The following WWP2 variants were observed in gnomAD, a reference collection of about 807,000 sequenced individuals.
The protein encoded by WWP2 is WW domain containing E3 ubiquitin protein ligase 2, also known as NEDD4-like E3 ubiquitin-protein ligase WWP2.
A neutral mutation model predicts 121.0 loss-of-function variants in WWP2; 57 were observed. The ratio of observed to expected loss-of-function variants is 0.47; its 90% confidence interval spans 0.38 to 0.59. The LOEUF is 0.59. WWP2 is among the 20% of genes least tolerant of loss of function. The pLI is 0.00. For synonymous variants in WWP2, 449 were observed against 441.3 expected, an observed-to-expected ratio of 1.02 and a Z score of -0.22; for missense variants, 962 against 1,158.9, an observed-to-expected ratio of 0.83 and a Z score of 2.47.
chr16:69,843,592 C>G (rs991060290), intron 6 of WWP2, among the ~76,000 whole-genome samples: 1 of 152,170 alleles, frequency 6.6e-6, no homozygotes, highest in East Asian at 1.9e-4. Context: ...CGAGGCCAGG[C>G]ACAGTGGCTC....
chr16:69,844,887 C>T (rs1163034714), intron 6 of WWP2, among the ~76,000 whole-genome samples: 1 of 152,186 alleles, frequency 6.6e-6, no homozygotes, highest in Non-Finnish European at 1.5e-5. Context: ...TGCCATTCAG[C>T]AGGAAATATT....
In WWP2 at chr16:69,934,029, A is replaced by G; in HGVS notation, c.1742A>G (p.Tyr581Cys). The G allele has an allele frequency of 6.2e-7, 1 of 1,614,130 alleles. No individual in the cohort carries two copies. The highest frequency in any genetic ancestry group is 8.5e-7 in the Non-Finnish European group (1 of 1,180,024). ...AACCCTATGTATTGTTTATTTGAATATGCCGGAAAGAACAATTACTGCCTG... is the reference window on the plus strand; with the variant it reads ...AACCCTATGTATTGTTTATTTGAATGTGCCGGAAAGAACAATTACTGCCTG... ...VLNPMYCLFE[Y>C]AGKNNYCLQI... Residue 581 changes from tyrosine to cysteine, a missense_variant, in exon 17 of 24, where the codon TAT becomes TGT. Tyr to Cys is a radical substitution (Grantham distance 194). Transcript: ENST00000359154.
At chr16:69,856,367 G>T (rs2057312589) in intron 6 of WWP2, among the ~76,000 whole-genome samples, 1 of 152,182 alleles carries the variant, frequency 6.6e-6, no homozygotes, top group African/African-American at 2.4e-5. Context: ...CTATGTCTCA[G>T]TTGTGGTGAT....
chr16:69,935,908 G>A lies in WWP2; in HGVS notation c.1898G>A (p.Arg633Gln), dbSNP rs757731089. 28 of 1,613,870 alleles carry A rather than the reference G, an allele frequency of 1.7e-5. No individual in the cohort carries two copies. Among genetic ancestry groups the A allele is most frequent in the African/African-American group, 1.3e-4 (10 of 74,882 alleles). The change falls in exon 18 of 24, where the codon CGG (arginine) becomes CAG (glutamine). Residue 633 changes from arginine (R) to glutamine (Q), a missense_variant. By Grantham distance (43) the Arg-to-Gln change is conservative. Coordinates refer to ENST00000359154, the MANE Select transcript of WWP2 (RefSeq NM_001270454.2). The surrounding 1 kb of genome is among the most constrained non-coding windows in gnomAD (Gnocchi z 5.2). ...DTGFTLPFYK[R>Q]MLNKRPTLKD... ...GGCTTCACCCTCCCTTTCTACAAGC[G>A]GATGCTCAATAAGAGACCAACCCTG...
intron 4 of WWP2, among the ~76,000 whole-genome samples, chr16:69,811,709 G>T (rs1235985005): frequency 1.3e-5 from 2 of 152,164 alleles, no homozygotes; most frequent in Non-Finnish European, 2.9e-5. Context: ...AGCTTTGATT[G>T]TGTCACTGCA....
At chr16:69,795,557 A>G (rs553562676) in intron 2 of WWP2, among the ~76,000 whole-genome samples, 3 of 151,778 alleles carry the variant, frequency 2.0e-5, no homozygotes, top group South Asian at 2.1e-4. Context: ...ACAGAAAGCA[A>G]ATGTGGCAAA....
At chr16:69,911,800 A>G (rs989363800) in intron 9 of WWP2, among the ~76,000 whole-genome samples, 1 of 152,222 alleles carries the variant, frequency 6.6e-6, no homozygotes. Flanking sequence ...ACCTTCAACA[A>G]TAAAGGGATG....
At chr16:69,842,796 A>G (rs1180441886) in intron 6 of WWP2, among the ~76,000 whole-genome samples, 1 of 152,092 alleles carries the variant, frequency 6.6e-6, no homozygotes, top group Non-Finnish European at 1.5e-5. Context: ...CAGCATCCTG[A>G]GTAGCTGAGA....
At chr16:69,805,882 T>C (rs1323341147) in intron 4 of WWP2, among the ~76,000 whole-genome samples, 2 of 151,930 alleles carry the variant, frequency 1.3e-5, no homozygotes, top group Non-Finnish European at 2.9e-5. Context: ...ATTATATGAT[T>C]TTTCTTCTTT....
intron 8 of WWP2, among the ~76,000 whole-genome samples, chr16:69,904,735 A>C (rs772493913): frequency 7.2e-5 from 11 of 152,262 alleles, no homozygotes; most frequent in Middle Eastern, 3.4e-3. Flanking sequence ...TACTAAATGA[A>C]ATATGAAGAT....
At chr16:69,782,362 G>T (rs906567254) in intron 1 of WWP2, among the ~76,000 whole-genome samples, 9 of 152,140 alleles carry the variant, frequency 5.9e-5, no homozygotes, top group African/African-American at 2.2e-4. Flanking sequence ...GTAGAACATT[G>T]ATTGCTTGAG....
At chr16:69,800,568 C>CTT (rs11308765) in intron 4 of WWP2, among the ~76,000 whole-genome samples, 1 of 139,708 alleles carries the variant, frequency 7.2e-6, no homozygotes, top group Non-Finnish European at 1.5e-5. Flanking sequence ...ATTGTTTTTT[C>CTT]TTTTTTTTTT....
chr16:69,861,088 A>T (rs937135894), intron 6 of WWP2, among the ~76,000 whole-genome samples: 3 of 152,154 alleles, frequency 2.0e-5, no homozygotes, highest in African/African-American at 7.2e-5. Flanking sequence ...GTGGAGGTTG[A>T]TGGGGATGCT....
chr16:69,894,510 CTT>C (rs2058079423), intron 8 of WWP2, among the ~76,000 whole-genome samples: 1 of 152,210 alleles, frequency 6.6e-6, no homozygotes, highest in Non-Finnish European at 1.5e-5. Context: ...CTCCCCATCC[CTT>C]TTCTCTGTCC....
At position 69,939,133 on chromosome 16, in the gene WWP2, C is replaced by A. The variant is rs749029934; in HGVS notation, c.2440+10C>A. ...TTTGCCGAACTCATCGGTATGTTTT[C>A]TCTCGCCCTCTGGCGTCCTGGCTGG... On this transcript the variant is annotated intron_variant, in intron 22 of 23. Transcript: ENST00000359154. 240 of 1,589,942 alleles carry A rather than the reference C, an allele frequency of 1.5e-4. No individual in the cohort carries two copies. The highest frequency in any genetic ancestry group is 3.8e-5 in the Non-Finnish European group (44 of 1,167,142).
chr16:69,923,790 C>T (rs76907327), intron 10 of WWP2, among the ~76,000 whole-genome samples: 200 of 152,298 alleles, frequency 1.3e-3, no homozygotes, highest in African/African-American at 4.7e-3. Flanking sequence ...ATGTAGAATA[C>T]GTGTGTTTTC....
intron 4 of WWP2, among the ~76,000 whole-genome samples, chr16:69,829,055 T>A (rs1300279939): frequency 2.0e-5 from 3 of 152,184 alleles, no homozygotes. Flanking sequence ...CCTCTATTTG[T>A]CCAGTTAAGT....
chr16:69,919,355 C>T (rs1402180673), intron 10 of WWP2, among the ~76,000 whole-genome samples: 2 of 151,636 alleles, frequency 1.3e-5, no homozygotes, highest in African/African-American at 4.8e-5. Flanking sequence ...TTAGTAGAGA[C>T]GGGGTTTCAC....
intron 4 of WWP2, among the ~76,000 whole-genome samples, chr16:69,808,835 C>T (rs1031195575): frequency 6.6e-6 from 1 of 152,216 alleles, no homozygotes; most frequent in Non-Finnish European, 1.5e-5. Context: ...GACATAAACA[C>T]TCTCAGGACA....
Sources: gnomAD v4.1 joint callset for allele counts (sites outside exome capture counted in the v4.1 genomes callset) on GRCh38, gnomAD v4.1.1 for gene constraint, Gnocchi (gnomAD v3.1) non-coding constraint, MANE v1.5 for transcripts, NCBI Gene and HGNC (gene_info 2026-07-23, HGNC 2026-07-21) for gene names.